The following NUP50 variants were observed in gnomAD, a reference collection of about 807,000 sequenced individuals.
NUP50 encodes nuclear pore complex protein Nup50.
In NUP50, 14 loss-of-function variants were observed where a neutral mutation model predicts 36.8. That is an observed-to-expected ratio of 0.38 (90% CI 0.25 to 0.59). The LOEUF (loss-of-function observed/expected upper bound fraction) is 0.59, where lower values mean the gene tolerates loss of function less well. NUP50 is among the 20% of genes least tolerant of loss of function. The pLI is 0.63. For synonymous variants in NUP50, 195 were observed against 210.8 expected, an observed-to-expected ratio of 0.93 and a Z score of 0.65; for missense variants, 455 against 564.6, an observed-to-expected ratio of 0.81 and a Z score of 1.97.
chr22:45,169,051 A>G (rs568911278), intron 2 of NUP50, among the ~76,000 whole-genome samples: 220 of 151,972 alleles, frequency 1.4e-3, no homozygotes, highest in Middle Eastern at 6.8e-3. Context: ...ACAGGTGTAC[A>G]CCACCACACC....
At chr22:45,172,416 A>C (rs573974455) in intron 3 of NUP50, among the ~76,000 whole-genome samples, 1 of 152,138 alleles carries the variant, frequency 6.6e-6, no homozygotes, top group South Asian at 2.1e-4. Flanking sequence ...TGGAAATCCA[A>C]AATGCTCCAA....
At chr22:45,183,773 T>G (rs985957959) in intron 7 of NUP50, 1 of 406,402 alleles carries the variant, frequency 2.5e-6, no homozygotes, top group African/African-American at 2.0e-5. Context: ...AGCTAGAGAT[T>G]AGACCATTTA....
At chr22:45,167,246 G>A (rs2074108904) in intron 1 of NUP50, among the ~76,000 whole-genome samples, 1 of 152,192 alleles carries the variant, frequency 6.6e-6, no homozygotes, top group African/African-American at 2.4e-5. Flanking sequence ...TTTTGGGCGA[G>A]GTGGGTAGCA....
intron 3 of NUP50, among the ~76,000 whole-genome samples, chr22:45,175,179 G>C (rs1009907199): frequency 6.6e-6 from 1 of 152,166 alleles, no homozygotes; most frequent in Non-Finnish European, 1.5e-5. Flanking sequence ...AAAGTTCCAG[G>C]GGCAGAGAGG....
At chr22:45,175,760 C>A in intron 3 of NUP50, 134 bp from the exon 4 acceptor site, 1 of 644,198 alleles carries the variant, frequency 1.6e-6, no homozygotes, top group Non-Finnish European at 2.6e-6. Context: ...TCTGCTTGTG[C>A]CAGCAGTTTG....
chr22:45,184,275 A>C (rs1354450697), intron 7 of NUP50, 178 bp from the exon 8 acceptor site: 4 of 622,894 alleles, frequency 6.4e-6, no homozygotes, highest in African/African-American at 3.7e-5. Flanking sequence ...AGTGAGGGCA[A>C]GTGCTCCCCG....
intron 3 of NUP50, chr22:45,172,171 G>C (rs1888769025): frequency 6.4e-6 from 1 of 155,482 alleles, no homozygotes; most frequent in African/African-American, 2.4e-5. Flanking sequence ...GAAATAATGT[G>C]CTGATTATTA....
intron 1 of NUP50, chr22:45,164,501 G>GAC (rs2074062453): frequency 6.5e-6 from 1 of 153,198 alleles, no homozygotes; most frequent in Admixed American, 6.5e-5. Context: ...CGGGGGACCA[G>GAC]ACCCTGGGGA....
intron 6 of NUP50, among the ~76,000 whole-genome samples, chr22:45,182,257 A>G (rs922835212): frequency 2.0e-5 from 3 of 152,132 alleles, no homozygotes; most frequent in African/African-American, 7.2e-5. Context: ...CCTGGCCAAC[A>G]TGGTGAAATC....
In NUP50 at chr22:45,169,351, C is replaced by T. The variant is rs2074147513; in HGVS notation, c.69+1105C>T. ...CACCACTGCACTCCAGCCTGGGCAACAGGGTGAGACCCTGTCTAAAAAACA... is the reference window on the plus strand; with the variant it reads ...CACCACTGCACTCCAGCCTGGGCAATAGGGTGAGACCCTGTCTAAAAAACA... On this transcript the variant is annotated intron_variant, in intron 2 of 7. Coordinates refer to ENST00000347635, the MANE Select transcript of NUP50 (RefSeq NM_007172.4). Among the ~76,000 whole-genome samples, 5 of 152,160 alleles carry T rather than the reference C, an allele frequency of 3.3e-5. No individual in the cohort carries two copies. In the South Asian group the frequency reaches 1.0e-3, roughly 32 times the overall value.
intron 2 of NUP50, among the ~76,000 whole-genome samples, chr22:45,170,539 T>C (rs1365186981): frequency 6.6e-6 from 1 of 152,258 alleles, no homozygotes; most frequent in Non-Finnish European, 1.5e-5. Flanking sequence ...TTTTGGAATC[T>C]TTCTGGTACT....
intron 6 of NUP50, among the ~76,000 whole-genome samples, chr22:45,182,583 AAATGTTGTGCAATCAAAAACTG>A (rs1301882222): frequency 6.6e-6 from 1 of 150,978 alleles, no homozygotes; most frequent in East Asian, 1.9e-4. Context: ...ATTTATTTAA[AAATGTTGTGCAATCAAAAACTG>A]AAAGAGCCTT....
At chr22:45,178,970 T>C in intron 5 of NUP50, 70 bp downstream of exon 5, 2 of 1,441,050 alleles carry the variant, frequency 1.4e-6, no homozygotes, top group Non-Finnish European at 1.9e-6. Flanking sequence ...CCCAGAGACT[T>C]TGATTCCAAA....
Position 45,168,195 on chromosome 22 carries a change from C to T in NUP50, c.18C>T (p.Ala6=), listed in dbSNP as rs143439242. 29 of 1,610,728 alleles carry T rather than the reference C, an allele frequency of 1.8e-5. No homozygotes were observed. Among genetic ancestry groups the T allele is most frequent in the South Asian group, 2.2e-5 (2 of 90,118 alleles). The change falls in exon 2 of 8, where the codon GCC becomes GCT. Residue 6 remains alanine (A), a synonymous_variant. Transcript: ENST00000347635. MAKRN[A]EKELTDRNWD... ...TCGAAAACATGGCCAAAAGAAATGC[C>T]GAGAAGGAACTGACAGATAGGAATT...
At chr22:45,184,337 C>G (rs530522847) in intron 7 of NUP50, 116 bp from the exon 8 acceptor site, 59 of 948,338 alleles carry the variant, frequency 6.2e-5, no homozygotes, top group Non-Finnish European at 9.0e-5. Flanking sequence ...GTCCTGTTGG[C>G]TCCCTGTCTT....
intron 4 of NUP50, among the ~76,000 whole-genome samples, chr22:45,177,213 C>G (rs1048828873): frequency 3.3e-5 from 5 of 152,130 alleles, no homozygotes; most frequent in Non-Finnish European, 7.4e-5. Flanking sequence ...CAGGGTCTCG[C>G]TCTGTCACCT....
intron 2 of NUP50, chr22:45,171,304 A>C: frequency 6.6e-6 from 4 of 607,846 alleles, no homozygotes; most frequent in Non-Finnish European, 9.5e-6. Flanking sequence ...GGTTCAAGTG[A>C]TTCTCCTGCC....
intron 4 of NUP50, 163 bp from the exon 5 acceptor site, chr22:45,178,075 A>C: frequency 1.5e-6 from 1 of 650,870 alleles, no homozygotes; most frequent in Middle Eastern, 3.6e-4. Context: ...GCAGTGAGCC[A>C]AGATCGTGCC....
intron 1 of NUP50, among the ~76,000 whole-genome samples, chr22:45,167,139 TGTG>T (rs2074106572): frequency 6.6e-6 from 1 of 152,156 alleles, no homozygotes; most frequent in Non-Finnish European, 1.5e-5. Flanking sequence ...TCTGGTGTAT[TGTG>T]GTGTTGAGAG....
Sources: allele counts gnomAD v4.1 joint callset (sites outside exome capture counted in the v4.1 genomes callset), GRCh38; gene constraint gnomAD v4.1.1; transcripts MANE v1.5; gene names NCBI Gene and HGNC (gene_info 2026-07-23, HGNC 2026-07-21).